The following CLSTN2 variants were observed in gnomAD, a reference collection of about 807,000 sequenced individuals.
CLSTN2 encodes calsyntenin 2.
CLSTN2 carries 48 observed loss-of-function variants against 101.2 expected under a neutral mutation model. The ratio of observed to expected loss-of-function variants is 0.47; its 90% confidence interval spans 0.38 to 0.60. The LOEUF (loss-of-function observed/expected upper bound fraction) is 0.60. Ranked by LOEUF, CLSTN2 falls within the 20% of genes least tolerant of loss-of-function variation. The pLI is 0.00. For synonymous variants in CLSTN2, 481 were observed against 463.6 expected, an observed-to-expected ratio of 1.04 and a Z score of -0.48; for missense variants, 1,160 against 1,238.2, an observed-to-expected ratio of 0.94 and a Z score of 0.95.
intron 16 of CLSTN2, among the ~76,000 whole-genome samples, chr3:140,564,578 T>C (rs1219151778): frequency 1.3e-5 from 2 of 152,080 alleles, no homozygotes; most frequent in Non-Finnish European, 2.9e-5. Context: ...TGGAACAGAT[T>C]AAAAGAAAAA....
At chr3:140,403,457 T>C (rs368785435) in intron 2 of CLSTN2, among the ~76,000 whole-genome samples, 172 bp from the exon 3 acceptor site, 15 of 152,308 alleles carry the variant, frequency 9.8e-5, no homozygotes, top group African/African-American at 3.6e-4. Context: ...TGGGATTCTG[T>C]ATTTTTAAGA....
intron 2 of CLSTN2, among the ~76,000 whole-genome samples, chr3:140,298,434 C>T (rs1381721769): frequency 6.6e-6 from 1 of 152,118 alleles, no homozygotes; most frequent in Non-Finnish European, 1.5e-5. Flanking sequence ...TTATGTTGGC[C>T]TATAAACTTT....
intron 8 of CLSTN2, among the ~76,000 whole-genome samples, chr3:140,503,471 G>T (rs1388501085): frequency 1.3e-5 from 2 of 152,296 alleles, no homozygotes; most frequent in Middle Eastern, 3.4e-3. Flanking sequence ...ATAGAGCCTA[G>T]GTGTGTAGTG....
chr3:140,511,141 T>C (rs1934805180), intron 8 of CLSTN2, among the ~76,000 whole-genome samples: 1 of 152,188 alleles, frequency 6.6e-6, no homozygotes, highest in Non-Finnish European at 1.5e-5. Flanking sequence ...CTGTGTTAGT[T>C]TCCTAAGGAT....
At chr3:140,152,158 C>T (rs6439898) in intron 1 of CLSTN2, among the ~76,000 whole-genome samples, 8,685 of 152,182 alleles carry the variant, frequency 0.057, 851 homozygotes, top group African/African-American at 0.2. Context: ...TTTATTAATT[C>T]ATACACTAAT....
At chr3:140,434,788 A>T (rs776636709) in intron 5 of CLSTN2, among the ~76,000 whole-genome samples, 1 of 152,198 alleles carries the variant, frequency 6.6e-6, no homozygotes, top group Non-Finnish European at 1.5e-5. Flanking sequence ...TTTGTGTTGC[A>T]GAGAAGGGTT....
chr3:140,031,302 G>A (rs537063286), intron 1 of CLSTN2, among the ~76,000 whole-genome samples: 4 of 152,236 alleles, frequency 2.6e-5, no homozygotes, highest in African/African-American at 4.8e-5. Context: ...TGTTAGTGAC[G>A]CGCAGCATGA....
chr3:140,404,510 G>A (rs201089535), intron 3 of CLSTN2, 48 bp from the exon 4 acceptor site: 9 of 1,573,954 alleles, frequency 5.7e-6, no homozygotes, highest in Non-Finnish European at 4.4e-6. Flanking sequence ...GGAGGTTGGT[G>A]TGACTCTTTC....
intron 2 of CLSTN2, among the ~76,000 whole-genome samples, chr3:140,334,042 C>T: frequency 6.6e-6 from 1 of 152,086 alleles, no homozygotes; most frequent in East Asian, 1.9e-4. Context: ...GGGGTAGAAG[C>T]CTCATTTTGA....
At chr3:140,000,723 C>T (rs906539822) in intron 1 of CLSTN2, among the ~76,000 whole-genome samples, 1 of 152,154 alleles carries the variant, frequency 6.6e-6, no homozygotes, top group Non-Finnish European at 1.5e-5. Flanking sequence ...GGGGATGTTG[C>T]TTGCGCTGGT....
At chr3:140,305,950 T>C (rs144672381) in intron 2 of CLSTN2, among the ~76,000 whole-genome samples, 1 of 152,302 alleles carries the variant, frequency 6.6e-6, no homozygotes, top group African/African-American at 2.4e-5. Flanking sequence ...GTTACTTTTA[T>C]AATCGGGTAA....
chr3:140,467,302 T>C (rs527663507), intron 8 of CLSTN2, among the ~76,000 whole-genome samples: 2 of 152,300 alleles, frequency 1.3e-5, no homozygotes, highest in East Asian at 3.9e-4. Context: ...CTGGTGTGAC[T>C]CCAAAGCTTT....
intron 5 of CLSTN2, among the ~76,000 whole-genome samples, chr3:140,438,797 G>A (rs1462238116): frequency 6.6e-6 from 1 of 152,204 alleles, no homozygotes; most frequent in Non-Finnish European, 1.5e-5. Context: ...CAGAAGGGCT[G>A]CTTTGAAGTG....
At chr3:140,411,469 CAAG>C (rs2088362834) in intron 4 of CLSTN2, among the ~76,000 whole-genome samples, 1 of 152,260 alleles carries the variant, frequency 6.6e-6, no homozygotes, top group East Asian at 1.9e-4. Context: ...GACAACAATA[CAAG>C]AATAGTAAGA....
chr3:140,285,935 G>T (rs1009821737), intron 2 of CLSTN2, among the ~76,000 whole-genome samples: 3 of 152,152 alleles, frequency 2.0e-5, no homozygotes, highest in African/African-American at 7.2e-5. Flanking sequence ...ACCATGACCT[G>T]GGGCTTAGCA....
intron 8 of CLSTN2, among the ~76,000 whole-genome samples, chr3:140,483,834 C>T (rs1689303428): frequency 6.6e-6 from 1 of 152,092 alleles, no homozygotes; most frequent in Non-Finnish European, 1.5e-5. Flanking sequence ...TCCTCCATCC[C>T]TTTATTTTGA....
chr3:140,556,464 T>G (rs760570627), intron 10 of CLSTN2, 49 bp from the exon 11 acceptor site: 11 of 1,601,324 alleles, frequency 6.9e-6, no homozygotes, highest in Non-Finnish European at 7.7e-6. Context: ...CATAAAACCA[T>G]GTACATCACT....
intron 8 of CLSTN2, among the ~76,000 whole-genome samples, chr3:140,485,324 C>G (rs1342194834): frequency 1.3e-5 from 2 of 152,206 alleles, no homozygotes; most frequent in Non-Finnish European, 2.9e-5. Context: ...GAAGTTTTGT[C>G]TCAGAGGGGT....
chr3:140,273,199 C>G (rs1040660400), intron 2 of CLSTN2, among the ~76,000 whole-genome samples: 1 of 151,754 alleles, frequency 6.6e-6, no homozygotes, highest in Admixed American at 6.6e-5. Context: ...CAACACATAC[C>G]GGAACCTGTC....
Sources: allele counts gnomAD v4.1 joint callset (sites outside exome capture counted in the v4.1 genomes callset), GRCh38; gene constraint gnomAD v4.1.1; transcripts MANE v1.5; gene names NCBI Gene and HGNC (gene_info 2026-07-23, HGNC 2026-07-21).